Variants in GRID1 observed in about 807,000 individuals in gnomAD.
The protein encoded by GRID1 is glutamate ionotropic receptor delta type subunit 1, also known as glutamate receptor ionotropic, delta-1.
GRID1 carries 28 observed loss-of-function variants against 98.0 expected under a neutral mutation model. The ratio of observed to expected loss-of-function variants is 0.29; its 90% confidence interval spans 0.21 to 0.39. The LOEUF is 0.39. Among genes scored for constraint, GRID1 ranks in the 10% least tolerant of loss-of-function variants. GRID1 has a pLI of 1.00. For synonymous variants in GRID1, 553 were observed against 538.5 expected (o/e 1.03, Z -0.37); for missense variants, 1,111 against 1,340.5 (o/e 0.83, Z 2.67).
At chr10:86,134,797 G>A (rs1424692647) in intron 4 of GRID1, among the ~76,000 whole-genome samples, 6 of 152,288 alleles carry the variant, frequency 3.9e-5, no homozygotes, top group East Asian at 1.9e-4. Context: ...GGAAGCTTCC[G>A]TTGACCTTCT....
At chr10:85,613,274 T>C in intron 15 of GRID1, 133 bp downstream of exon 15, 1 of 847,140 alleles carries the variant, frequency 1.2e-6, no homozygotes. Context: ...AATCCCCCAA[T>C]ATAAAACACT....
intron 12 of GRID1, among the ~76,000 whole-genome samples, chr10:85,656,432 T>A (rs1260808403): frequency 6.6e-6 from 1 of 152,338 alleles, no homozygotes; most frequent in Admixed American, 6.5e-5. Context: ...ATGTCAGTTG[T>A]CTGTAGATGC....
intron 2 of GRID1, among the ~76,000 whole-genome samples, chr10:86,218,281 A>C (rs1846205317): frequency 6.6e-6 from 1 of 152,088 alleles, no homozygotes; most frequent in South Asian, 2.1e-4. Context: ...GGTAGGGCTG[A>C]CTGCTCCAAA....
chr10:85,613,759 C>A, intron 14 of GRID1, 112 bp from the exon 15 acceptor site: 1 of 1,275,472 alleles, frequency 7.8e-7, no homozygotes, highest in Admixed American at 2.2e-5. Context: ...ATTGAGCCAT[C>A]CTAGCAGCTT....
chr10:85,653,241 T>C (rs1444758532), intron 12 of GRID1, among the ~76,000 whole-genome samples: 1 of 152,174 alleles, frequency 6.6e-6, no homozygotes, highest in Non-Finnish European at 1.5e-5. Context: ...TAACAAGTGA[T>C]GAAAAATGCT....
At chr10:86,117,884 C>A (rs942439374) in intron 4 of GRID1, among the ~76,000 whole-genome samples, 1 of 152,210 alleles carries the variant, frequency 6.6e-6, no homozygotes, top group African/African-American at 2.4e-5. Context: ...CCTCTATGGA[C>A]AACAGTGTGG....
At chr10:85,765,484 T>C (rs917733746) in intron 8 of GRID1, among the ~76,000 whole-genome samples, 2 of 152,192 alleles carry the variant, frequency 1.3e-5, no homozygotes, top group East Asian at 1.9e-4. Context: ...ATTTTGAGCA[T>C]TGACATGACA....
chr10:85,741,379 T>A (rs1389587295), intron 8 of GRID1, among the ~76,000 whole-genome samples: 3 of 152,186 alleles, frequency 2.0e-5, no homozygotes, highest in African/African-American at 7.2e-5. Flanking sequence ...TATATTTTTT[T>A]AAACTCGCTT....
intron 4 of GRID1, among the ~76,000 whole-genome samples, chr10:86,053,947 G>C (rs1843539312): frequency 2.0e-5 from 3 of 152,186 alleles, no homozygotes; most frequent in Admixed American, 1.3e-4. Context: ...GTCAGCCAGA[G>C]TAATTCCACT....
At position 85,691,412 on chromosome 10, in the gene GRID1, T is replaced by C. The variant is rs1841330509; in HGVS notation, c.1997+31591A>G. Among the ~76,000 whole-genome samples, 4 of 152,158 alleles carry C rather than the reference T, an allele frequency of 2.6e-5. No individual in the cohort carries two copies. In the South Asian group the frequency reaches 8.3e-4, roughly 32 times the overall value. Reference sequence around the variant, plus strand: ...ATTATTCTGTGCATTACCTCTCAATTTCCTTGCTTGTCTCTTACCCCTCTG... The same window carrying C: ...ATTATTCTGTGCATTACCTCTCAATCTCCTTGCTTGTCTCTTACCCCTCTG... On this transcript the variant is annotated intron_variant, in intron 12 of 15. Transcript: ENST00000327946.
At position 85,690,615 on chromosome 10, in the gene GRID1, G is replaced by T. The variant is rs111287836; in HGVS notation, c.1997+32388C>A. ...AAAAACAAACAAAAACAAATTGAAAGAGGTTAGCCTAACTCAAGATGATCT... is the reference window on the plus strand; with the variant it reads ...AAAAACAAACAAAAACAAATTGAAATAGGTTAGCCTAACTCAAGATGATCT... On this transcript the variant is annotated intron_variant, in intron 12 of 15. Coordinates refer to ENST00000327946, the MANE Select transcript of GRID1 (RefSeq NM_017551.3). 5.0e-3 allele frequency among the ~76,000 whole-genome samples: 767 copies of T among 152,286 alleles called. 2 individuals carry two copies. Among genetic ancestry groups the T allele is most frequent in the African/African-American group, 0.018 (730 of 41,574 alleles).
chr10:86,216,615 G>T (rs1011957503), intron 2 of GRID1, among the ~76,000 whole-genome samples: 2 of 152,202 alleles, frequency 1.3e-5, no homozygotes, highest in Non-Finnish European at 2.9e-5. Flanking sequence ...AGGAGGGAGT[G>T]GTTCGGGGTC....
rs1420519834 is a variant in GRID1, at chr10:85,781,927, C to T, written c.1234-52313G>A. ...ATCTTAATCACTAGGCCCTGACAAG[C>T]TCTTCCAGACCTCAATGGTTATTTA... On this transcript the variant is annotated intron_variant, in intron 8 of 15. Transcript: ENST00000327946. Among the ~76,000 whole-genome samples, 3 of 152,118 alleles carry T rather than the reference C, an allele frequency of 2.0e-5. No individual in the cohort carries two copies. The East Asian group carries it at 5.8e-4, about 29-fold the overall frequency.
intron 4 of GRID1, among the ~76,000 whole-genome samples, chr10:86,077,596 A>G (rs1022851491): frequency 6.6e-6 from 1 of 152,222 alleles, no homozygotes; most frequent in African/African-American, 2.4e-5. Context: ...CATCCTGCAC[A>G]GACCTCCATT....
At chr10:85,879,998 A>G (rs1277021084) in intron 5 of GRID1, among the ~76,000 whole-genome samples, 2 of 152,272 alleles carry the variant, frequency 1.3e-5, no homozygotes, top group Non-Finnish European at 2.9e-5. Flanking sequence ...AAACACCTCT[A>G]TGCAAATAAA....
intron 8 of GRID1, among the ~76,000 whole-genome samples, chr10:85,751,306 G>A (rs11201775): frequency 0.05 from 7,682 of 152,270 alleles, 335 homozygotes; most frequent in African/African-American, 0.11. Flanking sequence ...TTAGGGTAGC[G>A]CCAGGTTGGC....
intron 6 of GRID1, among the ~76,000 whole-genome samples, chr10:85,863,487 T>C (rs1303195621): frequency 6.6e-6 from 1 of 152,186 alleles, no homozygotes; most frequent in Non-Finnish European, 1.5e-5. Context: ...TGTTGTCTTG[T>C]TGAAACCAGG....
chr10:85,847,709 T>A (rs1280949818), intron 8 of GRID1, among the ~76,000 whole-genome samples: 1 of 151,882 alleles, frequency 6.6e-6, no homozygotes, highest in Non-Finnish European at 1.5e-5. Context: ...GATGGTAGAT[T>A]TTGTTGAAAA....
At chr10:86,139,835 T>C (rs1012649869) in intron 3 of GRID1, among the ~76,000 whole-genome samples, 2 of 152,218 alleles carry the variant, frequency 1.3e-5, no homozygotes, top group Admixed American at 1.3e-4. Flanking sequence ...GAAGCCAATA[T>C]AGTTGCACTG....
Sources: allele counts gnomAD v4.1 joint callset (sites outside exome capture counted in the v4.1 genomes callset), GRCh38; gene constraint gnomAD v4.1.1; transcripts MANE v1.5; gene names NCBI Gene and HGNC (gene_info 2026-07-23, HGNC 2026-07-21).